Variants in IRX6 observed in about 807,000 individuals in gnomAD.
IRX6 encodes the protein iroquois-class homeodomain protein IRX-6.
Under a neutral mutation model 47.7 loss-of-function variants are expected in IRX6, and 46 were observed. That is an observed-to-expected ratio of 0.96 (90% confidence interval 0.76 to 1.23). The LOEUF is 1.23. Among genes scored for constraint, IRX6 ranks in the 50% most tolerant of loss-of-function variants. The pLI, the probability that IRX6 is intolerant of heterozygous loss-of-function variation, is 0.00. For synonymous variants in IRX6, 265 were observed against 246.2 expected, an observed-to-expected ratio of 1.08 and a Z score of -0.72; for missense variants, 722 against 588.0, an observed-to-expected ratio of 1.23 and a Z score of -2.36.
At chr16:55,326,067 T>G in intron 1 of IRX6, 1 of 473,336 alleles carries the variant, frequency 2.1e-6, no homozygotes. Flanking sequence ...AATGTTCACA[T>G]TTTCCCGGCC....
Position 55,327,372 on chromosome 16 carries a change from A to G in IRX6, c.380A>G (p.Tyr127Cys), listed in dbSNP as rs775275845. 3 of 1,613,800 alleles carry G rather than the reference A, an allele frequency of 1.9e-6. No individual in the cohort carries two copies. Among genetic ancestry groups the G allele is most frequent in the African/African-American group, 1.3e-5 (1 of 74,886 alleles). ...SLAQPGAYYP[Y>C]ERTLGQYQYE... ...GCACAACCAGGAGCCTATTATCCCT[A>G]TGAGCGGACTCTGGGGCAGTACCAA... The change falls in exon 3 of 6, where the codon TAT (tyrosine) becomes TGT (cysteine). Residue 127 changes from tyrosine (Y) to cysteine (C), a missense_variant. Physicochemically the swap from Tyr to Cys is radical, Grantham distance 194. Transcript: ENST00000290552.
At position 55,326,848 on chromosome 16, in the gene IRX6, G is replaced by A. The variant is rs1342438179; in HGVS notation, c.303+255G>A. The A allele has an allele frequency of 6.0e-5, 26 of 432,760 alleles. No homozygotes were observed. In the Admixed American group the frequency reaches 1.0e-3, roughly 17 times the overall value. 26.8% of individuals were successfully genotyped at this position (432,760 alleles called of 1,614,324 possible). On this transcript the variant is annotated intron_variant, in intron 2 of 5. Coordinates refer to ENST00000290552, the MANE Select transcript of IRX6 (RefSeq NM_024335.3). ...AGAATGAGGAAATAGAGGTGCACAG[G>A]AGTTCAAATACTTTGCCCAATGTCA... is the stretch of plus-strand genomic sequence containing the variant.
At chr16:55,325,748 A>G (rs1960510626) in intron 1 of IRX6, 1 of 153,564 alleles carries the variant, frequency 6.5e-6, no homozygotes, top group Admixed American at 6.4e-5. Context: ...ACCAAAGTGG[A>G]TGTTGTGCAA....
Position 55,327,836 on chromosome 16 carries a change from A to G in IRX6, c.664A>G (p.Arg222Gly), listed in dbSNP as rs1217757702. ...GCCCAAGAACAAAGGTGGGGAGGAG[A>G]GGAAGGCAGAGGGAGGAGAGGAGGA... ...WAPKNKGGEE[R>G]KAEGGEEDSL... The change falls in exon 4 of 6, where the codon AGG (arginine) becomes GGG (glycine). Residue 222 changes from arginine (R) to glycine (G), a missense_variant. Transcript: ENST00000290552. The G allele has an allele frequency of 6.2e-7, 1 of 1,613,032 alleles. No homozygotes were observed. The highest frequency in any genetic ancestry group is 1.1e-5 in the South Asian group (1 of 91,024).
At chr16:55,325,626 T>C (rs1223640598) in intron 1 of IRX6, among the ~76,000 whole-genome samples, 1 of 151,376 alleles carries the variant, frequency 6.6e-6, no homozygotes, top group Non-Finnish European at 1.5e-5. Flanking sequence ...AAAGAACTTG[T>C]AGGCTACAAC....
Position 55,325,045 on chromosome 16 carries a change from G to C in IRX6, c.-47G>C. The C allele has an allele frequency of 4.4e-6, 7 of 1,604,786 alleles. No homozygotes were observed. The highest frequency in any genetic ancestry group is 6.0e-6 in the Non-Finnish European group (7 of 1,171,820). On this transcript the variant is annotated 5_prime_UTR_variant, in exon 1 of 6. Transcript: ENST00000290552. Reference sequence around the variant, plus strand: ...TGGGGGCGCGGAACAGCTGGGCTGAGACGGGAACTCGACAGGGAAGAGAGA... The same window carrying C: ...TGGGGGCGCGGAACAGCTGGGCTGACACGGGAACTCGACAGGGAAGAGAGA...
In IRX6 at chr16:55,327,685, C is replaced by T. The variant is rs187777953; in HGVS notation, c.513C>T (p.Asn171=). 2.0e-5 allele frequency: 32 copies of T among 1,612,408 alleles called. No homozygotes were observed. In the Admixed American group the frequency reaches 2.5e-4, roughly 13 times the overall value. Residue 171 remains asparagine (N), a synonymous_variant, in exon 4 of 6, where the codon AAC becomes AAT. Coordinates refer to ENST00000290552, the MANE Select transcript of IRX6 (RefSeq NM_024335.3). ...CCTGGCTCAACGAGCACCGCAAAAA[C>T]CCCTACCCCACTAAGGGTGAGAAGA... The part of the protein sequence containing the change: ...LKAWLNEHRK[N]PYPTKGEKIM...
At position 55,326,976 on chromosome 16, in the gene IRX6, T is replaced by G. The variant is rs1289968024; in HGVS notation, c.304-320T>G. ...GCAGGGGGCGGGGGGTGGGGGGCAG[T>G]AAGGGGGGAAAGGAGGGAGGGACAA... On this transcript the variant is annotated intron_variant, in intron 2 of 5. Transcript: ENST00000290552. The G allele has an allele frequency of 8.2e-3, 305 of 37,158 alleles. 1 individual carries two copies. Among genetic ancestry groups the G allele is most frequent in the African/African-American group, 0.013 (63 of 4,990 alleles). 2.3% of individuals were successfully genotyped at this position (37,158 alleles called of 1,614,324 possible). A position where few individuals can be genotyped will look rare whatever the true frequency, so the allele number is the denominator to read the frequency against.
At position 55,324,726 on chromosome 16, in the gene IRX6, T is replaced by G; in HGVS notation, c.-366T>G. Reference sequence around the variant, plus strand: ...CTGGCGGCCCGGGATTACCGTGACGTCACATTGAGCCTCTGGCCACCTTGG... The same window carrying G: ...CTGGCGGCCCGGGATTACCGTGACGGCACATTGAGCCTCTGGCCACCTTGG... On this transcript the variant is annotated 5_prime_UTR_variant, in exon 1 of 6. Transcript: ENST00000290552. This position sits in a 1 kb window ranked among gnomAD's most constrained non-coding sequence, Gnocchi z 4.4. 3.9e-6 allele frequency: 1 copy of G among 254,850 alleles called. No homozygotes were observed. The highest frequency in any genetic ancestry group is 7.5e-6 in the Non-Finnish European group (1 of 132,482). 15.8% of individuals were successfully genotyped at this position (254,850 alleles called of 1,614,324 possible).
At chr16:55,327,202 T>C in intron 2 of IRX6, 94 bp from the exon 3 acceptor site, 1 of 838,540 alleles carries the variant, frequency 1.2e-6, no homozygotes, top group South Asian at 1.5e-5. Flanking sequence ...CCAGTACCAG[T>C]GGCCATACTG....
Position 55,328,999 on chromosome 16 carries a change from A to G in IRX6, c.1021A>G (p.Met341Val), listed in dbSNP as rs1476422555. 1.9e-6 allele frequency: 3 copies of G among 1,613,592 alleles called. No individual in the cohort carries two copies. The African/African-American group carries it at 4.0e-5, about 22-fold the overall frequency. The change falls in exon 5 of 6, where the codon ATG becomes GTG. Residue 341 changes from methionine (M) to valine (V), a missense_variant. Coordinates refer to ENST00000290552, the MANE Select transcript of IRX6 (RefSeq NM_024335.3). Reference protein sequence around the residue: ...SAETGSPRLTMHYPCLEKPRI... With the variant: ...SAETGSPRLTVHYPCLEKPRI... ...GGAGACAGGCAGCCCTAGGTTGACC[A>G]TGCACTACCCATGCTTGGAGAAACC... is the stretch of plus-strand genomic sequence containing the variant.
Position 55,327,310 on chromosome 16 carries a change from A to G in IRX6, c.318A>G (p.Glu106=). ...TCTCCCTCTAGAATCCACAGTATGAATTTAAGGAGGCTGCAGGGAGTTTTA... is the reference window on the plus strand; with the variant it reads ...TCTCCCTCTAGAATCCACAGTATGAGTTTAAGGAGGCTGCAGGGAGTTTTA... ...SLYGALNPQY[E]FKEAAGSFTS... The change falls in exon 3 of 6, where the codon GAA becomes GAG. Residue 106 remains glutamate (E), a synonymous_variant. Coordinates refer to ENST00000290552, the MANE Select transcript of IRX6 (RefSeq NM_024335.3). 1 of 1,613,482 alleles carries G rather than the reference A, an allele frequency of 6.2e-7. No homozygotes were observed. Among genetic ancestry groups the G allele is most frequent in the South Asian group, 1.1e-5 (1 of 91,060 alleles).
At chr16:55,326,104 G>T (rs965569709) in intron 1 of IRX6, 1 of 535,590 alleles carries the variant, frequency 1.9e-6, no homozygotes, top group African/African-American at 1.9e-5. Context: ...CCTTAGCAAT[G>T]GAGTAGGAGC....
chr16:55,325,203 T>C, intron 1 of IRX6, 67 bp downstream of exon 1: 2 of 1,509,806 alleles, frequency 1.3e-6, no homozygotes, highest in Non-Finnish European at 1.8e-6. Flanking sequence ...GCACGGCGCC[T>C]GCCTCTGATC....
At chr16:55,325,583 G>T (rs191845718) in intron 1 of IRX6, among the ~76,000 whole-genome samples, 4 of 135,360 alleles carry the variant, frequency 3.0e-5, no homozygotes, top group Admixed American at 1.5e-4. Context: ...AAGAAAGAAA[G>T]AAGGAAAGAA....
At chr16:55,330,212 T>C in intron 5 of IRX6, 86 bp from the exon 6 acceptor site, 1 of 1,280,234 alleles carries the variant, frequency 7.8e-7, no homozygotes. Flanking sequence ...TTTGCTTGCC[T>C]TCAGAAGAGA....
chr16:55,327,915 C>T, intron 4 of IRX6, 22 bp downstream of exon 4: 1 of 1,569,172 alleles, frequency 6.4e-7, no homozygotes, highest in Non-Finnish European at 8.6e-7. Context: ...GTTCACCACC[C>T]CACCTTAAGG....
At chr16:55,326,223 C>A in intron 1 of IRX6, 113 bp from the exon 2 acceptor site, 4 of 922,548 alleles carry the variant, frequency 4.3e-6, no homozygotes, top group Non-Finnish European at 1.6e-6. Context: ...AATGAAGGAG[C>A]AATCTGATTA....
intron 2 of IRX6, chr16:55,326,959 C>T (rs57266215): frequency 0.17 from 5,437 of 31,462 alleles, 454 homozygotes; most frequent in African/African-American, 0.44. Context: ...GGGCAGGGGG[C>T]GGGGGGTGGG....
Sources: allele counts gnomAD v4.1 joint callset (sites outside exome capture counted in the v4.1 genomes callset), GRCh38; gene constraint gnomAD v4.1.1; non-coding constraint Gnocchi (gnomAD v3.1); transcripts MANE v1.5; gene names NCBI Gene and HGNC (gene_info 2026-07-23, HGNC 2026-07-21).